The following NUBPL variants were observed in gnomAD, a reference collection of about 807,000 sequenced individuals.
NUBPL encodes the protein NUBP iron-sulfur cluster assembly factor, mitochondrial.
Under a neutral mutation model 45.7 loss-of-function variants are expected in NUBPL, and 31 were observed. The observed-to-expected ratio is 0.68, with a 90% CI of 0.51 to 0.92. NUBPL has a LOEUF of 0.92. Among genes scored for constraint, NUBPL ranks in the 40% least tolerant of loss-of-function variants. The pLI is 0.00. For missense variants in NUBPL, 401 were observed against 398.7 expected (o/e 1.01, Z -0.05); for synonymous variants, 144 against 140.9 (o/e 1.02, Z -0.15).
At position 31,567,169 on chromosome 14, in the gene NUBPL, T is replaced by C. The variant is rs180974381; in HGVS notation, c.291+2121T>C. ...AACTTTGAAAACAACATACCGTTTT[T>C]TTCTAGCATGCTAATGAAATGTCTG... On this transcript the variant is annotated intron_variant, in intron 3 of 10. Transcript: ENST00000281081. Among the ~76,000 whole-genome samples, 356 of 152,314 alleles carry C rather than the reference T, an allele frequency of 2.3e-3. 1 individual carries two copies. Among genetic ancestry groups the C allele is most frequent in the African/African-American group, 8.3e-3 (344 of 41,572 alleles).
intron 7 of NUBPL, chr14:31,801,102 G>A (rs533219412): frequency 1.3e-5 from 2 of 152,442 alleles, no homozygotes; most frequent in Admixed American, 1.3e-4. Flanking sequence ...TGGAGCCATG[G>A]AAAAGGGGCT....
intron 4 of NUBPL, among the ~76,000 whole-genome samples, chr14:31,665,950 T>C (rs2036399788): frequency 6.6e-6 from 1 of 151,800 alleles, no homozygotes; most frequent in Non-Finnish European, 1.5e-5. Flanking sequence ...ATAATGCTTC[T>C]TGTTGCATTG....
chr14:31,566,881 G>C (rs1192151710), intron 3 of NUBPL, among the ~76,000 whole-genome samples: 2 of 152,140 alleles, frequency 1.3e-5, no homozygotes, highest in Non-Finnish European at 2.9e-5. Flanking sequence ...GCTTCCAGAA[G>C]CTTGAAAAGG....
chr14:31,793,237 T>C (rs1260286497), intron 7 of NUBPL, among the ~76,000 whole-genome samples: 1 of 152,154 alleles, frequency 6.6e-6, no homozygotes, highest in Admixed American at 6.6e-5. Flanking sequence ...TTGTACTCAC[T>C]ACTCCCACCT....
chr14:31,855,964 T>G (rs928934089), intron 10 of NUBPL, among the ~76,000 whole-genome samples: 9 of 152,238 alleles, frequency 5.9e-5, no homozygotes, highest in Non-Finnish European at 1.3e-4. Context: ...AAATAACACT[T>G]GGCAAATATT....
At chr14:31,603,745 C>A (rs1481975591) in intron 4 of NUBPL, among the ~76,000 whole-genome samples, 1 of 151,984 alleles carries the variant, frequency 6.6e-6, no homozygotes, top group Non-Finnish European at 1.5e-5. Flanking sequence ...TTGCAAGTAC[C>A]CACTTAATTA....
intron 8 of NUBPL, among the ~76,000 whole-genome samples, chr14:31,833,068 T>C (rs770683894): frequency 3.3e-5 from 5 of 152,136 alleles, no homozygotes; most frequent in East Asian, 1.9e-4. Flanking sequence ...ATCCCTTTAG[T>C]TGGTAATAAG....
chr14:31,742,027 C>T (rs916930994), intron 6 of NUBPL, among the ~76,000 whole-genome samples: 1 of 151,984 alleles, frequency 6.6e-6, no homozygotes, highest in Non-Finnish European at 1.5e-5. Flanking sequence ...ATAAAATCCT[C>T]TCCCTCCCCC....
intron 3 of NUBPL, among the ~76,000 whole-genome samples, chr14:31,579,970 G>A (rs2033819851): frequency 6.6e-6 from 1 of 152,226 alleles, no homozygotes; most frequent in African/African-American, 2.4e-5. Context: ...CCATTTTCAA[G>A]GTCTGACCCT....
chr14:31,638,593 C>G (rs2035580618), intron 4 of NUBPL, among the ~76,000 whole-genome samples: 1 of 152,018 alleles, frequency 6.6e-6, no homozygotes, highest in Admixed American at 6.6e-5. Flanking sequence ...CGAGGAGTAT[C>G]TTTGTGGCGT....
At chr14:31,717,541 C>G (rs1019423878) in intron 6 of NUBPL, among the ~76,000 whole-genome samples, 1 of 152,186 alleles carries the variant, frequency 6.6e-6, no homozygotes, top group Non-Finnish European at 1.5e-5. Flanking sequence ...AGAAATTCTT[C>G]TCTTCACTTT....
At chr14:31,657,281 A>G (rs976989384) in intron 4 of NUBPL, among the ~76,000 whole-genome samples, 1 of 152,172 alleles carries the variant, frequency 6.6e-6, no homozygotes, top group Non-Finnish European at 1.5e-5. Flanking sequence ...TTTCTTATCT[A>G]TATACTCTGA....
chr14:31,602,968 A>T (rs2034485832), intron 4 of NUBPL, among the ~76,000 whole-genome samples: 1 of 152,148 alleles, frequency 6.6e-6, no homozygotes, highest in Admixed American at 6.6e-5. Context: ...TATTGCATTT[A>T]AAAAATAAAG....
chr14:31,823,359 A>C (rs1236869803), intron 7 of NUBPL, among the ~76,000 whole-genome samples: 1 of 152,140 alleles, frequency 6.6e-6, no homozygotes. Context: ...ATGGTGATAC[A>C]AATAGTAGAC....
intron 4 of NUBPL, among the ~76,000 whole-genome samples, chr14:31,632,895 GC>G (rs1377650289): frequency 6.6e-6 from 1 of 152,160 alleles, no homozygotes; most frequent in Non-Finnish European, 1.5e-5. Context: ...TAACATTGAA[GC>G]ATAGTAGTGG....
At chr14:31,742,769 A>AT (rs34130229) in intron 6 of NUBPL, among the ~76,000 whole-genome samples, 41,058 of 136,332 alleles carry the variant, frequency 0.3, 6,874 homozygotes, top group South Asian at 0.41. Context: ...AACCCAGCTG[A>AT]TTTTTTTTTT....
chr14:31,804,735 G>A (rs2039652652), intron 7 of NUBPL, among the ~76,000 whole-genome samples: 1 of 152,118 alleles, frequency 6.6e-6, no homozygotes, highest in African/African-American at 2.4e-5. Flanking sequence ...CTATCCATAA[G>A]CAGAAGATTG....
At chr14:31,857,232 A>G (rs996363134) in intron 10 of NUBPL, among the ~76,000 whole-genome samples, 1 of 152,144 alleles carries the variant, frequency 6.6e-6, no homozygotes, top group African/African-American at 2.4e-5. Flanking sequence ...TGAGCTCTTC[A>G]TTGGCCCCTT....
At chr14:31,812,777 A>G (rs1474839187) in intron 7 of NUBPL, among the ~76,000 whole-genome samples, 1 of 152,082 alleles carries the variant, frequency 6.6e-6, no homozygotes, top group African/African-American at 2.4e-5. Context: ...CAAGGGTTTT[A>G]TCTTAACTTT....
Sources: gnomAD v4.1 joint callset for allele counts (sites outside exome capture counted in the v4.1 genomes callset) on GRCh38, gnomAD v4.1.1 for gene constraint, MANE v1.5 for transcripts, NCBI Gene and HGNC (gene_info 2026-07-23, HGNC 2026-07-21) for gene names.